Variants in FAM171A1 observed in about 807,000 individuals in gnomAD.
FAM171A1 encodes protein FAM171A1.
A neutral mutation model predicts 74.9 loss-of-function variants in FAM171A1; 23 were observed. The ratio of observed to expected loss-of-function variants is 0.31; its 90% CI spans 0.22 to 0.44. The LOEUF is 0.44. Ranked by LOEUF, FAM171A1 falls within the 20% of genes least tolerant of loss-of-function variation. FAM171A1 has a pLI of 1.00. For synonymous variants in FAM171A1, 527 were observed against 505.7 expected (o/e 1.04, Z -0.57); for missense variants, 1,162 against 1,159.2 (o/e 1.00, Z -0.03).
chr10:15,285,635 G>A (rs947725663), intron 1 of FAM171A1, among the ~76,000 whole-genome samples: 8 of 151,876 alleles, frequency 5.3e-5, no homozygotes, highest in Non-Finnish European at 1.2e-4. Flanking sequence ...TAAGTAGGAA[G>A]CAAGCAGCTG....
chr10:15,364,534 C>G (rs1018971733), intron 1 of FAM171A1, among the ~76,000 whole-genome samples: 1 of 151,424 alleles, frequency 6.6e-6, no homozygotes, highest in African/African-American at 2.4e-5. Flanking sequence ...AATCTCTATT[C>G]ACAGTTCTTA....
At chr10:15,304,031 G>C (rs1835264370) in intron 1 of FAM171A1, among the ~76,000 whole-genome samples, 1 of 152,162 alleles carries the variant, frequency 6.6e-6, no homozygotes, top group African/African-American at 2.4e-5. Context: ...CTTCCCAATG[G>C]AACAAACCCA....
chr10:15,330,650 A>AAT, intron 1 of FAM171A1, among the ~76,000 whole-genome samples: 1 of 152,142 alleles, frequency 6.6e-6, no homozygotes, highest in African/African-American at 2.4e-5. Context: ...CTATGGCCTA[A>AAT]AAAGCACTCC....
chr10:15,257,224 C>T (rs965694238), intron 3 of FAM171A1, among the ~76,000 whole-genome samples: 1 of 152,142 alleles, frequency 6.6e-6, no homozygotes, highest in African/African-American at 2.4e-5. Context: ...AAAGTGCACC[C>T]CTCCAGGCCT....
chr10:15,223,621 G>A (rs1463053432), intron 5 of FAM171A1, among the ~76,000 whole-genome samples: 4 of 152,194 alleles, frequency 2.6e-5, no homozygotes, highest in Non-Finnish European at 5.9e-5. Flanking sequence ...CACATTGGCT[G>A]GGGGTGGTGG....
chr10:15,307,757 C>G (rs1835314497), intron 1 of FAM171A1, among the ~76,000 whole-genome samples: 1 of 150,414 alleles, frequency 6.6e-6, no homozygotes, highest in Non-Finnish European at 1.5e-5. Context: ...CCTTCCTAAT[C>G]AACCAACCAA....
At chr10:15,325,110 G>A (rs1227534577) in intron 1 of FAM171A1, among the ~76,000 whole-genome samples, 1 of 152,230 alleles carries the variant, frequency 6.6e-6, no homozygotes, top group Admixed American at 6.5e-5. Context: ...ACAGCCAGGG[G>A]AGTTCTATGT....
At chr10:15,273,038 G>C (rs987663393) in intron 3 of FAM171A1, among the ~76,000 whole-genome samples, 2 of 151,994 alleles carry the variant, frequency 1.3e-5, no homozygotes, top group African/African-American at 4.8e-5. Flanking sequence ...AAATAACTAA[G>C]ATCAGAGCAG....
Position 15,212,789 on chromosome 10 carries a change from A to G in FAM171A1, c.*126T>C. 1.7e-6 allele frequency: 2 copies of G among 1,184,028 alleles called. No homozygotes were observed. Among genetic ancestry groups the G allele is most frequent in the African/African-American group, 1.5e-5 (1 of 65,324 alleles). The allele number at this position is 1,184,028 out of a possible 1,614,324, so 73.3% of individuals were successfully genotyped here. On this transcript the variant is annotated 3_prime_UTR_variant, in exon 8 of 8. Transcript: ENST00000378116. Reference sequence around the variant, plus strand: ...ACATTTACACGGCAAACAGGAATGCAGTAAACGTCCACGTCCGTCCCACGG... The same window carrying G: ...ACATTTACACGGCAAACAGGAATGCGGTAAACGTCCACGTCCGTCCCACGG...
Position 15,217,400 on chromosome 10 carries a change from C to T in FAM171A1, c.872-1290G>A, listed in dbSNP as rs151254467. ...CCATTTGCTTATTTTTGATTTTTGA[C>T]ATTCTAAGACATAGACTTTTTAAAA... On this transcript the variant is annotated intron_variant, in intron 6 of 7. Transcript: ENST00000378116. Among the ~76,000 whole-genome samples, 471 of 152,268 alleles carry T rather than the reference C, an allele frequency of 3.1e-3. 2 individuals are homozygous for T. Among genetic ancestry groups the T allele is most frequent in the African/African-American group, 0.01 (435 of 41,556 alleles).
chr10:15,370,101 A>AT (rs36069861), intron 1 of FAM171A1, among the ~76,000 whole-genome samples: 80,121 of 151,918 alleles, frequency 0.53, 21,827 homozygotes, highest in East Asian at 0.79. Flanking sequence ...AAAAACGCTG[A>AT]TTTTAAAAAC....
At chr10:15,331,859 G>GTATACATACA (rs58855042) in intron 1 of FAM171A1, among the ~76,000 whole-genome samples, 1 of 44,954 alleles carries the variant, frequency 2.2e-5, no homozygotes, top group African/African-American at 8.7e-5. Flanking sequence ...ATATATGTGT[G>GTATACATACA]TATATATATG....
chr10:15,262,999 G>C (rs902290251), intron 3 of FAM171A1, among the ~76,000 whole-genome samples: 2 of 152,170 alleles, frequency 1.3e-5, no homozygotes, highest in African/African-American at 4.8e-5. Context: ...GGTGGGGCGA[G>C]GGGCATATGG....
chr10:15,311,946 C>T lies in FAM171A1; in HGVS notation c.98-27841G>A, dbSNP rs867430070. ...TCATCCTACATGTGAATGTTCCTCA[C>T]GTACATTACGTGATTATTTACTGTT... On this transcript the variant is annotated intron_variant, in intron 1 of 7. Coordinates refer to ENST00000378116, the MANE Select transcript of FAM171A1 (RefSeq NM_001010924.2). 7.2e-5 allele frequency among the ~76,000 whole-genome samples: 11 copies of T among 152,330 alleles called. 1 individual carries two copies. Among genetic ancestry groups the T allele is most frequent in the Middle Eastern group, 3.4e-3 (1 of 294 alleles).
intron 1 of FAM171A1, among the ~76,000 whole-genome samples, chr10:15,311,066 A>G (rs1009794967): frequency 1.3e-5 from 2 of 152,162 alleles, no homozygotes; most frequent in African/African-American, 4.8e-5. Flanking sequence ...CTCTGTTCCA[A>G]GCCTTATCCC....
chr10:15,242,737 T>C (rs1387325767), intron 5 of FAM171A1, among the ~76,000 whole-genome samples: 2 of 152,040 alleles, frequency 1.3e-5, no homozygotes, highest in Admixed American at 1.3e-4. Flanking sequence ...GCTGCAGTGA[T>C]CTGTGACTGC....
intron 1 of FAM171A1, among the ~76,000 whole-genome samples, chr10:15,303,527 G>C (rs1835258024): frequency 1.3e-5 from 2 of 152,112 alleles, no homozygotes; most frequent in Admixed American, 1.3e-4. Flanking sequence ...CAATACAGGG[G>C]GCTTGACTTC....
intron 1 of FAM171A1, among the ~76,000 whole-genome samples, chr10:15,349,564 T>G (rs1462124234): frequency 6.6e-6 from 1 of 152,144 alleles, no homozygotes; most frequent in South Asian, 2.1e-4. Flanking sequence ...GTGGCCCTCA[T>G]GAGGACCACT....
intron 1 of FAM171A1, among the ~76,000 whole-genome samples, chr10:15,295,653 G>A (rs1322298219): frequency 6.6e-6 from 1 of 152,078 alleles, no homozygotes; most frequent in African/African-American, 2.4e-5. Context: ...TTTTAGAGCT[G>A]TTGGTTTCCA....
Sources: allele counts gnomAD v4.1 joint callset (sites outside exome capture counted in the v4.1 genomes callset), GRCh38; gene constraint gnomAD v4.1.1; transcripts MANE v1.5; gene names NCBI Gene and HGNC (gene_info 2026-07-23, HGNC 2026-07-21).